RUNX3: variants seen among roughly 807,000 people sequenced by gnomAD.
RUNX3 encodes RUNX family transcription factor 3.
A neutral mutation model predicts 27.7 loss-of-function variants in RUNX3; 10 were observed. The ratio of observed to expected loss-of-function variants is 0.36; its 90% CI spans 0.22 to 0.61. The LOEUF is 0.61. RUNX3 is among the 20% of genes least tolerant of loss of function. The probability of loss-of-function intolerance (pLI) is 0.72; values close to 1 mark genes in which losing one functional copy is unlikely to be tolerated. For synonymous variants in RUNX3, 270 were observed against 269.2 expected (o/e 1.00, Z -0.03); for missense variants, 469 against 629.5 (o/e 0.75, Z 2.73).
intron 2 of RUNX3, among the ~76,000 whole-genome samples, chr1:24,941,439 C>G (rs1267191519): frequency 1.3e-5 from 2 of 152,190 alleles, no homozygotes; most frequent in African/African-American, 4.8e-5. Flanking sequence ...GCTGTTGAAT[C>G]CCCGGAGCCA....
At chr1:24,929,188 AG>A (rs1464865697) in intron 1 of RUNX3, 1 of 483,816 alleles carries the variant, frequency 2.1e-6, no homozygotes. Flanking sequence ...CTGGAGGCGG[AG>A]GGTAGGCCCT....
rs1440198691 is a variant in RUNX3 at position 24,902,551 on chromosome 1, G to A, written c.819C>T (p.Ala273=). Residue 273 remains alanine (A), a synonymous_variant, in exon 5 of 5, where the codon GCC becomes GCT. Coordinates refer to ENST00000308873, the MANE Select transcript of RUNX3 (RefSeq NM_004350.3). The surrounding 1 kb of genome is among the most constrained non-coding windows in gnomAD (Gnocchi z 9.2). ...FPDPRMHYPG[A]MSAAFPYSAT... ...CGCTGTAGGGGAAGGCAGCTGACAT[G>A]GCCCCGGGATAATGCATCCTGGGGT... 1.3e-6 allele frequency: 2 copies of A among 1,589,626 alleles called. No individual in the cohort carries two copies. The highest frequency in any genetic ancestry group is 1.7e-6 in the Non-Finnish European group (2 of 1,162,428).
At chr1:24,924,026 C>G (rs1449749037) in intron 2 of RUNX3, among the ~76,000 whole-genome samples, 1 of 136,852 alleles carries the variant, frequency 7.3e-6, no homozygotes, top group South Asian at 2.5e-4. Context: ...CAACGCTGCC[C>G]AGGGTGGTGA....
chr1:24,960,565 T>C (rs745313538), intron 2 of RUNX3, among the ~76,000 whole-genome samples: 2 of 151,984 alleles, frequency 1.3e-5, no homozygotes, highest in South Asian at 2.1e-4. Flanking sequence ...TTTGGGCCCA[T>C]TTCCTTGGCT....
intron 2 of RUNX3, chr1:24,961,773 T>C (rs1163310129): frequency 6.6e-6 from 1 of 152,062 alleles, no homozygotes; most frequent in Non-Finnish European, 1.5e-5. Context: ...CTAGGGGCGG[T>C]GATTTCAGAA....
At chr1:24,908,172 C>A in intron 3 of RUNX3, among the ~76,000 whole-genome samples, 1 of 132,270 alleles carries the variant, frequency 7.6e-6, no homozygotes, top group Admixed American at 7.2e-5. Flanking sequence ...ACGCGGTGAT[C>A]CGAAGCTCTA....
At chr1:24,920,961 C>T (rs990257732) in intron 2 of RUNX3, among the ~76,000 whole-genome samples, 1 of 152,068 alleles carries the variant, frequency 6.6e-6, no homozygotes, top group Admixed American at 6.5e-5. Context: ...GGGAGATTTG[C>T]GGATCCCCCA....
In RUNX3 at chr1:24,929,719, G is replaced by C. The variant is rs1369272242; in HGVS notation, c.150C>G (p.Pro50=). ...AAVGPGGRAR[P]EVRSMVDVLA... is the part of the protein sequence containing the mutation. The stretch of plus-strand genomic sequence containing the variant: ...GCACGTCCACCATCGAGCGCACCTC[G>C]GGCCGGGCGCGCCCTCCGGGCCCCA... Residue 50 remains proline (P), a synonymous_variant, in exon 1 of 5, where the codon CCC becomes CCG. Transcript: ENST00000308873. The C allele has an allele frequency of 4.6e-6, 7 of 1,520,072 alleles. No homozygotes were observed. The highest frequency in any genetic ancestry group is 6.1e-6 in the Non-Finnish European group (7 of 1,144,092). 94.2% of individuals were successfully genotyped at this position (1,520,072 alleles called of 1,614,324 possible). A position where few individuals can be genotyped will look rare whatever the true frequency, so the allele number is the denominator to read the frequency against.
intron 3 of RUNX3, among the ~76,000 whole-genome samples, chr1:24,918,215 C>T (rs6697340): frequency 0.056 from 8,565 of 152,268 alleles, 284 homozygotes; most frequent in African/African-American, 0.091. Context: ...AGGGAGGGGC[C>T]AGCCCAGGGC....
In RUNX3 at chr1:24,929,313, C is replaced by T. The variant is rs768645626; in HGVS notation, c.282+274G>A. The T allele has an allele frequency of 6.0e-6, 4 of 671,564 alleles. No individual in the cohort carries two copies. In the South Asian group the frequency reaches 6.0e-5, roughly 10 times the overall value. The allele number at this position is 671,564 out of a possible 1,614,324, so 41.6% of individuals were successfully genotyped here. On this transcript the variant is annotated intron_variant, in intron 1 of 4. Transcript: ENST00000308873. Reference sequence around the variant, plus strand: ...GGGTTAGGGGGGCGCAAAACCCCATCCGCCCATTTCCGCACCAACGTCTCT... The same window carrying T: ...GGGTTAGGGGGGCGCAAAACCCCATTCGCCCATTTCCGCACCAACGTCTCT...
At chr1:24,924,378 A>G (rs1294519879) in intron 2 of RUNX3, among the ~76,000 whole-genome samples, 3 of 152,350 alleles carry the variant, frequency 2.0e-5, no homozygotes, top group Non-Finnish European at 4.4e-5. Flanking sequence ...AGTAAAAGAA[A>G]AAAAAATTAT....
chr1:24,920,754 G>A (rs1640982856), intron 2 of RUNX3, among the ~76,000 whole-genome samples: 1 of 152,086 alleles, frequency 6.6e-6, no homozygotes, highest in African/African-American at 2.4e-5. Flanking sequence ...TTCTTCTATC[G>A]TTTTATGTTC....
At chr1:24,937,325 G>C (rs1488432371) in intron 2 of RUNX3, among the ~76,000 whole-genome samples, 1 of 152,222 alleles carries the variant, frequency 6.6e-6, no homozygotes, top group East Asian at 1.9e-4. Flanking sequence ...CTCAACAAAG[G>C]TCCTGCGTTT....
At chr1:24,911,010 C>T (rs1640786220) in intron 3 of RUNX3, among the ~76,000 whole-genome samples, 1 of 152,180 alleles carries the variant, frequency 6.6e-6, no homozygotes, top group African/African-American at 2.4e-5. Flanking sequence ...AGGGCAGGCC[C>T]AGTACGGCCA....
chr1:24,912,719 C>T (rs538132249), intron 3 of RUNX3, among the ~76,000 whole-genome samples: 1 of 151,712 alleles, frequency 6.6e-6, no homozygotes, highest in African/African-American at 2.4e-5. Context: ...AAAACTGAGG[C>T]TCTGGACAGC....
At chr1:24,945,907 C>T (rs978237452) in intron 2 of RUNX3, among the ~76,000 whole-genome samples, 4 of 152,172 alleles carry the variant, frequency 2.6e-5, no homozygotes, top group East Asian at 1.9e-4. Flanking sequence ...TGTCTGAATG[C>T]GTTGTAAGGA....
chr1:24,929,787 T>TGCCGCC lies in RUNX3; in HGVS notation c.76_81dup (p.Gly26_Gly27dup), dbSNP rs532454563. The TGCCGCC allele has an allele frequency of 8.4e-6, 12 of 1,432,272 alleles. 1 individual carries two copies. The highest frequency in any genetic ancestry group is 3.1e-5 in the Admixed American group (1 of 32,430). 88.7% of individuals were successfully genotyped at this position (1,432,272 alleles called of 1,614,324 possible). A position where few individuals can be genotyped will look rare whatever the true frequency, so the allele number is the denominator to read the frequency against. On this transcript the variant is annotated inframe_insertion, in exon 1 of 5. Coordinates refer to ENST00000308873, the MANE Select transcript of RUNX3 (RefSeq NM_004350.3). The stretch of plus-strand genomic sequence containing the variant: ...AGCGCGCCGCTGTTCTCGCCCATCT[T>TGCCGCC]GCCGCCGCCGCCGCCGCAGGGGAAG...
At chr1:24,951,939 A>G (rs1265070528) in intron 2 of RUNX3, among the ~76,000 whole-genome samples, 1 of 152,240 alleles carries the variant, frequency 6.6e-6, no homozygotes, top group African/African-American at 2.4e-5. Context: ...ACTGCACTCC[A>G]GCCTGGAAGA....
chr1:24,936,093 G>A (rs1423331225), intron 2 of RUNX3, among the ~76,000 whole-genome samples: 2 of 152,244 alleles, frequency 1.3e-5, no homozygotes, highest in Non-Finnish European at 2.9e-5. Flanking sequence ...CCATGGAGTG[G>A]TGAGAGAGAC....
Sources: allele counts gnomAD v4.1 joint callset (sites outside exome capture counted in the v4.1 genomes callset), GRCh38; gene constraint gnomAD v4.1.1; non-coding constraint Gnocchi (gnomAD v3.1); transcripts MANE v1.5; gene names NCBI Gene and HGNC (gene_info 2026-07-23, HGNC 2026-07-21).